The following PHTF2 variants were observed in gnomAD, a reference collection of about 807,000 sequenced individuals.
PHTF2 encodes protein PHTF2.
In PHTF2, 60 loss-of-function variants were observed where a neutral mutation model predicts 101.2. The observed-to-expected ratio is 0.59, with a 90% CI of 0.48 to 0.73. The LOEUF (loss-of-function observed/expected upper bound fraction) is 0.73, where lower values mean the gene tolerates loss of function less well. Ranked by LOEUF, PHTF2 falls within the 30% of genes least tolerant of loss-of-function variation. The pLI is 0.00. For synonymous variants in PHTF2, 311 were observed against 307.3 expected, an observed-to-expected ratio of 1.01 and a Z score of -0.13; for missense variants, 747 against 908.7, an observed-to-expected ratio of 0.82 and a Z score of 2.29.
chr7:77,918,377 C>T (rs757580485), intron 9 of PHTF2, among the ~76,000 whole-genome samples: 6 of 152,170 alleles, frequency 3.9e-5, no homozygotes, highest in Admixed American at 6.5e-5. Context: ...AATTTCTCTT[C>T]TTGCATATAC....
chr7:77,816,981 A>T (rs1404339957), intron 1 of PHTF2, among the ~76,000 whole-genome samples: 1 of 152,214 alleles, frequency 6.6e-6, no homozygotes, highest in Non-Finnish European at 1.5e-5. Context: ...TTGGGCATGT[A>T]GGTTGATTCC....
chr7:77,822,298 G>A (rs879488039), intron 1 of PHTF2, among the ~76,000 whole-genome samples: 1 of 152,152 alleles, frequency 6.6e-6, no homozygotes, highest in African/African-American at 2.4e-5. Flanking sequence ...GTGGTTTTCA[G>A]CCACCCATGT....
At chr7:77,929,957 T>TC in intron 12 of PHTF2, among the ~76,000 whole-genome samples, 1 of 149,198 alleles carries the variant, frequency 6.7e-6, no homozygotes, top group East Asian at 1.9e-4. Context: ...ATTTTTTTTT[T>TC]TTTTTTTTTT....
chr7:77,805,912 C>CAAG (rs1226801624), intron 1 of PHTF2, among the ~76,000 whole-genome samples: 2 of 152,172 alleles, frequency 1.3e-5, no homozygotes, highest in Admixed American at 1.3e-4. Flanking sequence ...GAGTGGCTTA[C>CAAG]GCCTGTAATC....
chr7:77,924,342 C>G (rs1468995565), intron 11 of PHTF2, among the ~76,000 whole-genome samples: 1 of 151,920 alleles, frequency 6.6e-6, no homozygotes, highest in African/African-American at 2.4e-5. Context: ...TCTCTAGTAC[C>G]TAGATTGTGC....
chr7:77,904,520 A>G (rs1411375046), intron 7 of PHTF2, among the ~76,000 whole-genome samples: 1 of 152,152 alleles, frequency 6.6e-6, no homozygotes, highest in Non-Finnish European at 1.5e-5. Flanking sequence ...CACCATTCTG[A>G]GGGGTGGAAG....
intron 1 of PHTF2, among the ~76,000 whole-genome samples, chr7:77,804,566 TC>T (rs1378947979): frequency 6.6e-6 from 1 of 152,334 alleles, no homozygotes; most frequent in African/African-American, 2.4e-5. Flanking sequence ...CCTCAGGTGA[TC>T]CACCCACCTT....
chr7:77,905,572 C>T (rs765831016), intron 7 of PHTF2, among the ~76,000 whole-genome samples: 12 of 152,026 alleles, frequency 7.9e-5, no homozygotes, highest in Non-Finnish European at 1.8e-4. Flanking sequence ...AGTCATGGCT[C>T]GCTGCAGCCT....
At chr7:77,954,598 TAAAC>T (rs2151004301) in intron 19 of PHTF2, among the ~76,000 whole-genome samples, 1 of 114,888 alleles carries the variant, frequency 8.7e-6, no homozygotes, top group South Asian at 2.9e-4. Flanking sequence ...ATAATCATAT[TAAAC>T]AAGTACTGTG....
intron 1 of PHTF2, among the ~76,000 whole-genome samples, chr7:77,801,438 T>C (rs1792543594): frequency 6.6e-6 from 1 of 152,028 alleles, no homozygotes; most frequent in Admixed American, 6.6e-5. Context: ...CAAAAAAAAT[T>C]AGCCGGGCGT....
At chr7:77,875,372 G>A (rs1437730538) in intron 3 of PHTF2, among the ~76,000 whole-genome samples, 2 of 151,834 alleles carry the variant, frequency 1.3e-5, no homozygotes, top group Non-Finnish European at 1.5e-5. Flanking sequence ...GTGTGTATGT[G>A]TGTGTTTAAA....
At chr7:77,910,865 C>G (rs1488991402) in intron 9 of PHTF2, among the ~76,000 whole-genome samples, 1 of 152,116 alleles carries the variant, frequency 6.6e-6, no homozygotes, top group Non-Finnish European at 1.5e-5. Context: ...CCTCGGCCTC[C>G]TAAAGTGCTG....
chr7:77,834,161 A>G (rs1000279691), intron 1 of PHTF2, among the ~76,000 whole-genome samples: 1 of 152,048 alleles, frequency 6.6e-6, no homozygotes, highest in Non-Finnish European at 1.5e-5. Flanking sequence ...AAAATTAAAA[A>G]AAATTAGCCA....
intron 3 of PHTF2, among the ~76,000 whole-genome samples, chr7:77,875,530 ATATT>A (rs10556864): frequency 0.57 from 83,675 of 148,068 alleles, 25,498 homozygotes; most frequent in African/African-American, 0.8. Flanking sequence ...ATAACAGGTA[ATATT>A]TATTTATTTA....
exon 7 of PHTF2, chr7:77,901,905 C>T (rs1269613977): frequency 6.3e-7 from 1 of 1,582,528 alleles, no homozygotes; most frequent in Non-Finnish European, 8.6e-7. Context: ...GCTTCTTGTC[C>T]TTTATCTTCT....
intron 3 of PHTF2, among the ~76,000 whole-genome samples, chr7:77,890,857 G>C (rs919727609): frequency 9.3e-5 from 14 of 150,020 alleles, no homozygotes; most frequent in Non-Finnish European, 1.6e-4. Flanking sequence ...TGCCTGCCTC[G>C]GCCTCCCAAA....
intron 1 of PHTF2, among the ~76,000 whole-genome samples, chr7:77,817,085 G>C (rs916962897): frequency 3.9e-5 from 6 of 152,162 alleles, no homozygotes; most frequent in African/African-American, 1.4e-4. Context: ...AAAATTCCCA[G>C]TGGTGGGATT....
chr7:77,816,327 G>A (rs1250058506), intron 1 of PHTF2, among the ~76,000 whole-genome samples: 2 of 152,018 alleles, frequency 1.3e-5, no homozygotes, highest in African/African-American at 4.8e-5. Context: ...TGCCTGCCTC[G>A]GCCTCCCAAA....
intron 5 of PHTF2, chr7:77,895,914 T>A (rs1387431473): frequency 6.6e-6 from 1 of 152,206 alleles, no homozygotes; most frequent in Non-Finnish European, 1.5e-5. Context: ...TCTCGATCGT[T>A]CACAGACAGT....
Sources: allele counts gnomAD v4.1 joint callset (sites outside exome capture counted in the v4.1 genomes callset), GRCh38; gene constraint gnomAD v4.1.1; transcripts MANE v1.5; gene names NCBI Gene and HGNC (gene_info 2026-07-23, HGNC 2026-07-21).